LRP1B: variants seen among roughly 807,000 people sequenced by gnomAD.
LRP1B encodes the protein LDL receptor related protein 1B.
Under a neutral mutation model 556.6 loss-of-function variants are expected in LRP1B, and 217 were observed. That is an observed-to-expected ratio of 0.39 (90% CI 0.35 to 0.44). LRP1B has a LOEUF of 0.44. LRP1B is among the 20% of genes least tolerant of loss of function. LRP1B has a pLI of 1.00. For synonymous variants in LRP1B, 2,047 were observed against 1,865.8 expected, an observed-to-expected ratio of 1.10 and a Z score of -2.50; for missense variants, 5,053 against 5,620.8, an observed-to-expected ratio of 0.90 and a Z score of 3.23.
In LRP1B at chr2:140,592,050, A is replaced by G. The variant is rs1682248563; in HGVS notation, c.7194+6581T>C. ...TGTGAAAATATCTGACCACTTTCTC[A>G]TGTTTCCTTTGATCATTTAGTGTGT... On this transcript the variant is annotated intron_variant, in intron 43 of 90. Transcript: ENST00000389484. 2.0e-5 allele frequency among the ~76,000 whole-genome samples: 3 copies of G among 152,068 alleles called. 1 individual carries two copies. Among genetic ancestry groups the G allele is most frequent in the Non-Finnish European group, 2.9e-5 (2 of 68,004 alleles).
intron 6 of LRP1B, among the ~76,000 whole-genome samples, chr2:141,209,682 C>G (rs1222261577): frequency 6.6e-6 from 1 of 152,006 alleles, no homozygotes; most frequent in Non-Finnish European, 1.5e-5. Flanking sequence ...AATGGTGTCC[C>G]CCAAGGAACA....
chr2:142,081,707 G>A (rs1405887590), intron 1 of LRP1B, among the ~76,000 whole-genome samples: 1 of 152,084 alleles, frequency 6.6e-6, no homozygotes, highest in African/African-American at 2.4e-5. Context: ...TCAAATTCCT[G>A]GGCTCAAGCG....
rs1680112104 is a variant in LRP1B, at chr2:140,541,004, GT to G, written c.7481del (p.Asp2494AlafsTer5). On this transcript the variant is annotated frameshift_variant, in exon 45 of 91. Coordinates refer to ENST00000389484, the MANE Select transcript of LRP1B (RefSeq NM_018557.3). LOFTEE classifies it high-confidence loss of function. ...NGRVNCSCRG[D>X]RILLEDNRCV... ...ATCTGTTGTCCTCTAGCAATATTCG[GT>G]CCCCTCTGCAGGAACAATTCACTCT... 6.2e-7 allele frequency: 1 copy of G among 1,610,676 alleles called. No individual in the cohort carries two copies. Among genetic ancestry groups the G allele is most frequent in the African/African-American group, 1.3e-5 (1 of 74,642 alleles).
intron 52 of LRP1B, among the ~76,000 whole-genome samples, chr2:140,509,275 A>G (rs1260370605): frequency 6.6e-6 from 1 of 152,140 alleles, no homozygotes; most frequent in Admixed American, 6.5e-5. Flanking sequence ...TCTGCATTCA[A>G]ATATTCAGTC....
At chr2:141,357,910 A>T (rs116507513) in intron 3 of LRP1B, among the ~76,000 whole-genome samples, 3,964 of 152,286 alleles carry the variant, frequency 0.026, 174 homozygotes, top group African/African-American at 0.088. Flanking sequence ...TGTTGTGCAA[A>T]ATTCAAAGAA....
At chr2:140,841,208 T>C in intron 29 of LRP1B, 116 bp from the exon 30 acceptor site, 4 of 642,808 alleles carry the variant, frequency 6.2e-6, no homozygotes. Flanking sequence ...ATTTGTTAGC[T>C]AAAATCGCAC....
At chr2:140,943,986 T>C (rs765895629) in intron 20 of LRP1B, among the ~76,000 whole-genome samples, 3 of 151,968 alleles carry the variant, frequency 2.0e-5, no homozygotes, top group Admixed American at 6.6e-5. Context: ...AAAGGAAATG[T>C]TGGTTCCTTG....
intron 1 of LRP1B, among the ~76,000 whole-genome samples, chr2:141,820,251 A>G (rs1290820614): frequency 6.6e-6 from 1 of 152,210 alleles, no homozygotes; most frequent in African/African-American, 2.4e-5. Context: ...TGCAAAAGAT[A>G]ATTCCTTTAG....
At chr2:140,706,656 G>A (rs1439860523) in intron 37 of LRP1B, among the ~76,000 whole-genome samples, 2 of 152,066 alleles carry the variant, frequency 1.3e-5, no homozygotes, top group Non-Finnish European at 2.9e-5. Flanking sequence ...ATTTCCAACT[G>A]ATTATTGACA....
intron 47 of LRP1B, 98 bp downstream of exon 47, chr2:140,533,923 G>A: frequency 8.0e-7 from 1 of 1,257,730 alleles, no homozygotes; most frequent in South Asian, 1.4e-5. Flanking sequence ...GATGTTACTA[G>A]GTGTTATATG....
intron 66 of LRP1B, among the ~76,000 whole-genome samples, chr2:140,434,146 T>G (rs1387975416): frequency 6.6e-6 from 1 of 152,136 alleles, no homozygotes; most frequent in African/African-American, 2.4e-5. Context: ...CTCTGCTCAC[T>G]GCAACCTCCG....
chr2:141,515,837 C>A (rs548460966), intron 2 of LRP1B, among the ~76,000 whole-genome samples: 1 of 152,118 alleles, frequency 6.6e-6, no homozygotes, highest in African/African-American at 2.4e-5. Flanking sequence ...TTAATATGAA[C>A]GCCCAAGTGA....
intron 1 of LRP1B, among the ~76,000 whole-genome samples, chr2:142,076,765 C>A (rs1204777763): frequency 1.3e-5 from 2 of 152,004 alleles, no homozygotes; most frequent in Non-Finnish European, 2.9e-5. Context: ...CTCTGTAATA[C>A]TTTTTCTCTT....
chr2:141,725,368 G>A (rs1692989417), intron 2 of LRP1B, among the ~76,000 whole-genome samples: 1 of 151,832 alleles, frequency 6.6e-6, no homozygotes, highest in South Asian at 2.1e-4. Context: ...ATTTGTCCAA[G>A]TAGTAATCAA....
chr2:142,109,380 G>A (rs114249635), intron 1 of LRP1B, among the ~76,000 whole-genome samples: 6,546 of 152,222 alleles, frequency 0.043, 228 homozygotes, highest in Non-Finnish European at 0.058. Context: ...AAAGCCTGCT[G>A]ACAATTGGTG....
chr2:140,863,188 CAT>C (rs1692850889), intron 27 of LRP1B, among the ~76,000 whole-genome samples: 3 of 152,064 alleles, frequency 2.0e-5, no homozygotes, highest in South Asian at 2.1e-4. Context: ...CACACACACA[CAT>C]ATATATTCTA....
intron 41 of LRP1B, among the ~76,000 whole-genome samples, chr2:140,687,170 A>G (rs1174553139): frequency 6.6e-6 from 1 of 152,084 alleles, no homozygotes; most frequent in Non-Finnish European, 1.5e-5. Context: ...GAGAAGAGGA[A>G]AAGTAGAAGG....
intron 41 of LRP1B, among the ~76,000 whole-genome samples, chr2:140,648,440 A>T (rs1256642493): frequency 6.6e-6 from 1 of 152,134 alleles, no homozygotes; most frequent in African/African-American, 2.4e-5. Context: ...AGTATAATAA[A>T]AAAAAATTAC....
At chr2:141,784,823 G>A (rs924455570) in intron 2 of LRP1B, among the ~76,000 whole-genome samples, 1 of 151,796 alleles carries the variant, frequency 6.6e-6, no homozygotes, top group Non-Finnish European at 1.5e-5. Flanking sequence ...CTTTTTGTTT[G>A]GCACCGATAA....
Sources: allele counts gnomAD v4.1 joint callset (sites outside exome capture counted in the v4.1 genomes callset), GRCh38; gene constraint gnomAD v4.1.1; transcripts MANE v1.5; gene names NCBI Gene and HGNC (gene_info 2026-07-23, HGNC 2026-07-21).